PTK2: variants seen among roughly 807,000 people sequenced by gnomAD.
PTK2 encodes the protein focal adhesion kinase 1.
A neutral mutation model predicts 150.1 loss-of-function variants in PTK2; 45 were observed. The ratio of observed to expected loss-of-function variants is 0.30; its 90% confidence interval spans 0.24 to 0.38. The LOEUF is 0.38. Ranked by LOEUF, PTK2 falls within the 10% of genes least tolerant of loss-of-function variation. The pLI is 1.00. For missense variants in PTK2, 919 were observed against 1,307.3 expected, an observed-to-expected ratio of 0.70 and a Z score of 4.58; for synonymous variants, 432 against 449.2, an observed-to-expected ratio of 0.96 and a Z score of 0.48.
chr8:140,814,876 G>A (rs6981507), intron 10 of PTK2, among the ~76,000 whole-genome samples: 5,289 of 151,550 alleles, frequency 0.035, 223 homozygotes, highest in African/African-American at 0.096. Context: ...CCGGGTTGAT[G>A]CCATTCTCCT....
chr8:140,809,598 A>G (rs899227305), intron 10 of PTK2, among the ~76,000 whole-genome samples: 5 of 152,176 alleles, frequency 3.3e-5, no homozygotes, highest in Non-Finnish European at 5.9e-5. Context: ...TGAACCCAGG[A>G]GTTTGAGACC....
At chr8:140,924,561 T>C (rs553188172) in intron 2 of PTK2, among the ~76,000 whole-genome samples, 3 of 152,280 alleles carry the variant, frequency 2.0e-5, no homozygotes, top group African/African-American at 7.2e-5. Context: ...TTTTCAAGGC[T>C]ATGGTCACAG....
intron 1 of PTK2, among the ~76,000 whole-genome samples, chr8:140,941,967 C>T (rs1203994249): frequency 1.3e-5 from 2 of 152,102 alleles, no homozygotes; most frequent in African/African-American, 4.8e-5. Context: ...TAGCTCACTG[C>T]AGCTTGACCA....
At chr8:140,851,850 C>A (rs2100129451) in intron 5 of PTK2, among the ~76,000 whole-genome samples, 1 of 74,350 alleles carries the variant, frequency 1.3e-5, no homozygotes, top group Admixed American at 1.9e-4. Context: ...CAGAGAGAGA[C>A]TTTATCTCAA....
chr8:140,817,509 C>T (rs2100105469), intron 10 of PTK2, among the ~76,000 whole-genome samples: 1 of 152,182 alleles, frequency 6.6e-6, no homozygotes, highest in African/African-American at 2.4e-5. Context: ...GAATCATGTT[C>T]CCTGAACACT....
intron 1 of PTK2, among the ~76,000 whole-genome samples, chr8:140,971,098 T>G (rs11774305): frequency 0.43 from 65,468 of 151,960 alleles, 16,212 homozygotes; most frequent in Non-Finnish European, 0.57. Context: ...AAAAAATTAG[T>G]CTCTAAGAAT....
chr8:140,701,594 T>C (rs976512614), intron 25 of PTK2, among the ~76,000 whole-genome samples: 4 of 152,146 alleles, frequency 2.6e-5, no homozygotes, highest in African/African-American at 9.7e-5. Context: ...ATAGGAGTAG[T>C]TCTTGGTTTT....
At chr8:140,865,514 A>AT (rs894225224) in intron 4 of PTK2, among the ~76,000 whole-genome samples, 8 of 151,370 alleles carry the variant, frequency 5.3e-5, no homozygotes, top group African/African-American at 1.5e-4. Context: ...GCTTAATGGT[A>AT]TTTTTTTTTA....
chr8:140,966,685 T>C (rs1403625472), intron 1 of PTK2, among the ~76,000 whole-genome samples: 1 of 152,144 alleles, frequency 6.6e-6, no homozygotes, highest in African/African-American at 2.4e-5. Context: ...TAAAGAAAAA[T>C]TAAAGTTGGC....
At chr8:140,810,015 G>C (rs186621200) in intron 10 of PTK2, among the ~76,000 whole-genome samples, 3 of 152,284 alleles carry the variant, frequency 2.0e-5, no homozygotes, top group South Asian at 2.1e-4. Flanking sequence ...TGGGCTGAAG[G>C]GGGAGGAAGC....
chr8:140,708,728 A>C (rs1294476416), intron 23 of PTK2, among the ~76,000 whole-genome samples: 1 of 152,180 alleles, frequency 6.6e-6, no homozygotes, highest in Non-Finnish European at 1.5e-5. Context: ...GGCAATTTCC[A>C]AAGTGTGTTC....
rs533089786 is a variant in PTK2, at chr8:140,679,003, G to GTTTTTTTT, written c.2563-3512_2563-3505dup. Among the ~76,000 whole-genome samples, 41 of 69,006 alleles carry GTTTTTTTT rather than the reference G, an allele frequency of 5.9e-4. 6 individuals carry two copies. The highest frequency in any genetic ancestry group is 2.3e-3 in the East Asian group (5 of 2,154). The allele number at this position is 69,006 out of a possible 152,430, so 45.3% of individuals were successfully genotyped here. On this transcript the variant is annotated intron_variant, in intron 27 of 31. Coordinates refer to ENST00000522684, the Ensembl canonical transcript of PTK2. ...TCACGGCCAGCTGAGTGCTCCCCAT[G>GTTTTTTTT]TTTTTTTTTTTTTTTTTTTTTTTTT...
At chr8:140,671,356 G>C (rs1182733062) in intron 29 of PTK2, among the ~76,000 whole-genome samples, 5 of 152,104 alleles carry the variant, frequency 3.3e-5, no homozygotes, top group African/African-American at 1.2e-4. Context: ...TGAGCAGCTG[G>C]AATTATAGGG....
At chr8:140,960,225 G>GTC (rs2100182680) in intron 1 of PTK2, among the ~76,000 whole-genome samples, 1 of 108,004 alleles carries the variant, frequency 9.3e-6, no homozygotes, top group African/African-American at 3.8e-5. Flanking sequence ...TTGAGACGGA[G>GTC]TCTCACTCTG....
At chr8:140,796,306 T>C (rs562741553) in intron 12 of PTK2, among the ~76,000 whole-genome samples, 4 of 152,274 alleles carry the variant, frequency 2.6e-5, no homozygotes, top group African/African-American at 7.2e-5. Context: ...TGTTGACATT[T>C]TGAACATCTA....
chr8:140,927,975 A>AAAAAAAAAAAAAAAATATAT, intron 1 of PTK2, among the ~76,000 whole-genome samples: 2 of 48,194 alleles, frequency 4.1e-5, no homozygotes, highest in Non-Finnish European at 6.8e-5. Flanking sequence ...AAAAAAAAAA[A>AAAAAAAAAAAAAAAATATAT]ATATATATAT....
intron 7 of PTK2, among the ~76,000 whole-genome samples, chr8:140,834,080 C>T (rs1339069193): frequency 6.6e-6 from 1 of 152,228 alleles, no homozygotes; most frequent in African/African-American, 2.4e-5. Flanking sequence ...TGGCTAGAGG[C>T]TACCAAACTA....
At chr8:140,702,173 C>A (rs1164697008) in intron 25 of PTK2, among the ~76,000 whole-genome samples, 1 of 131,788 alleles carries the variant, frequency 7.6e-6, no homozygotes, top group East Asian at 2.4e-4. Flanking sequence ...ATCAATAAAT[C>A]TTAGGATTTA....
chr8:140,698,921 T>A (rs1396311753), intron 26 of PTK2, among the ~76,000 whole-genome samples: 1 of 142,194 alleles, frequency 7.0e-6, no homozygotes, highest in Non-Finnish European at 1.5e-5. Flanking sequence ...GCCTAATTTT[T>A]GTATTTTTTT....
Sources: allele counts gnomAD v4.1 joint callset (sites outside exome capture counted in the v4.1 genomes callset), GRCh38; gene constraint gnomAD v4.1.1; transcripts MANE v1.5; gene names NCBI Gene and HGNC (gene_info 2026-07-23, HGNC 2026-07-21).